Variants in HESX1 observed in about 807,000 individuals in gnomAD.
The protein encoded by HESX1 is HESX homeobox 1.
A neutral mutation model predicts 22.5 loss-of-function variants in HESX1; 11 were observed. The observed-to-expected ratio is 0.49, with a 90% CI of 0.31 to 0.81. HESX1 has a LOEUF of 0.81. Among genes scored for constraint, HESX1 ranks in the 30% least tolerant of loss-of-function variants. The pLI, the probability that HESX1 is intolerant of heterozygous loss-of-function variation, is 0.05. For missense variants in HESX1, 201 were observed against 212.6 expected (o/e 0.95, Z 0.34); for synonymous variants, 74 against 76.5 (o/e 0.97, Z 0.17).
chr3:57,201,361 A>G (rs1434229276), upstream of HESX1, among the ~76,000 whole-genome samples: 1 of 152,086 alleles, frequency 6.6e-6, no homozygotes, highest in Non-Finnish European at 1.5e-5. Flanking sequence ...TAGTGCTGAG[A>G]TGTAGATTGT....
intron 1 of HESX1, among the ~76,000 whole-genome samples, chr3:57,220,668 T>C (rs2060610666): frequency 6.6e-6 from 1 of 152,162 alleles, no homozygotes; most frequent in African/African-American, 2.4e-5. Flanking sequence ...TGACCTCAAA[T>C]GATCCACCCA....
chr3:57,226,518 A>C (rs1377220506), exon 1 of HESX1: 1 of 152,234 alleles, frequency 6.6e-6, no homozygotes, highest in East Asian at 1.9e-4. Context: ...TGTAACACTA[A>C]AAATAATTCC....
upstream of HESX1, among the ~76,000 whole-genome samples, chr3:57,202,825 G>GA (rs1287478199): frequency 6.6e-6 from 1 of 152,226 alleles, no homozygotes; most frequent in Non-Finnish European, 1.5e-5. Context: ...GTCGATGGTG[G>GA]AGGAGGGCCT....
chr3:57,222,707 C>T (rs568484974), intron 1 of HESX1, among the ~76,000 whole-genome samples: 1 of 152,276 alleles, frequency 6.6e-6, no homozygotes, highest in South Asian at 2.1e-4. Context: ...AACAAAAACT[C>T]CTAAAAACCT....
At chr3:57,224,336 C>T (rs1285867428) in intron 1 of HESX1, among the ~76,000 whole-genome samples, 1 of 152,052 alleles carries the variant, frequency 6.6e-6, no homozygotes, top group Non-Finnish European at 1.5e-5. Context: ...GATGGTGTCT[C>T]TGTGTTGCCC....
Position 57,198,903 on chromosome 3 carries a change from A to T in HESX1, c.207T>A (p.Ile69=), listed in dbSNP as rs774391758. ...CLHVPNPPSG[I]SFPSVVDHPM... Reference sequence around the variant, plus strand: ...GGTGATCCACCACGCTAGGGAATGAAATCCCACTGGGAGGATTTGGGACAT... The same window carrying T: ...GGTGATCCACCACGCTAGGGAATGATATCCCACTGGGAGGATTTGGGACAT... Residue 69 remains isoleucine, a synonymous_variant, in exon 2 of 4, where the codon ATT becomes ATA. Coordinates refer to ENST00000295934, the MANE Select transcript of HESX1 (RefSeq NM_003865.3). The T allele has an allele frequency of 6.2e-7, 1 of 1,614,148 alleles. No individual in the cohort carries two copies. The highest frequency in any genetic ancestry group is 8.5e-7 in the Non-Finnish European group (1 of 1,180,014).
intron 1 of HESX1, among the ~76,000 whole-genome samples, chr3:57,213,382 T>TC (rs1486219803): frequency 6.6e-6 from 1 of 152,186 alleles, no homozygotes; most frequent in African/African-American, 2.4e-5. Context: ...CCCTTGTTCT[T>TC]ATGTCCTGCC....
upstream of HESX1, among the ~76,000 whole-genome samples, chr3:57,203,361 G>A (rs915717281): frequency 1.2e-4 from 18 of 152,192 alleles, no homozygotes; most frequent in African/African-American, 4.1e-4. Context: ...GGAGAGAAGT[G>A]CAATTCTTTA....
In HESX1 at chr3:57,198,759, T is replaced by C. The variant is rs373414685; in HGVS notation, c.351A>G (p.Gln117=). 1.9e-6 allele frequency: 3 copies of C among 1,613,866 alleles called. No homozygotes were observed. Among genetic ancestry groups the C allele is most frequent in the Non-Finnish European group, 2.5e-6 (3 of 1,179,976 alleles). ...GGGTGAAAAAACTTCCCACCTGGTTTTGAGTAAAAGCAGTTCTTGGTCTTC... is the reference window on the plus strand; with the variant it reads ...GGGTGAAAAAACTTCCCACCTGGTTCTGAGTAAAAGCAGTTCTTGGTCTTC... ...RGRRPRTAFT[Q]NQIEVLENVF... is the part of the protein sequence containing the mutation. The change falls in exon 2 of 4, where the codon CAA becomes CAG. Residue 117 remains glutamine (Q), a synonymous_variant. Coordinates refer to ENST00000295934, the MANE Select transcript of HESX1 (RefSeq NM_003865.3).
At chr3:57,198,687 CT>C in intron 2 of HESX1, 65 bp downstream of exon 2, 1 of 1,438,914 alleles carries the variant, frequency 6.9e-7, no homozygotes, top group South Asian at 1.1e-5. Flanking sequence ...AGTGAGTGGG[CT>C]TTTGCTCAAC....
chr3:57,198,141 C>A lies in HESX1; in HGVS notation c.*56G>T. The stretch of plus-strand genomic sequence containing the variant: ...ATCACATTTTAACACTTAATATTTC[C>A]ACTGATTCTTCATGCTCTGCAATTA... On this transcript the variant is annotated 3_prime_UTR_variant, in exon 4 of 4. Transcript: ENST00000295934. 1 of 1,066,830 alleles carries A rather than the reference C, an allele frequency of 9.4e-7. No homozygotes were observed. Among genetic ancestry groups the A allele is most frequent in the South Asian group, 1.3e-5 (1 of 77,874 alleles). The allele number at this position is 1,066,830 out of a possible 1,614,324, so 66.1% of individuals were successfully genotyped here.
In HESX1 at chr3:57,197,987, T is replaced by C; in HGVS notation, c.*210A>G. 5.1e-6 allele frequency: 2 copies of C among 392,816 alleles called. No homozygotes were observed. Among genetic ancestry groups the C allele is most frequent in the Non-Finnish European group, 9.0e-6 (2 of 221,108 alleles). 24.3% of individuals were successfully genotyped at this position (392,816 alleles called of 1,614,324 possible). ...AAATAGCAATCTTTTCTGAAAATGTTTATTAAAATATATATAAAAGGTCTT... is the reference window on the plus strand; with the variant it reads ...AAATAGCAATCTTTTCTGAAAATGTCTATTAAAATATATATAAAAGGTCTT... On this transcript the variant is annotated 3_prime_UTR_variant, in exon 4 of 4. Coordinates refer to ENST00000295934, the MANE Select transcript of HESX1 (RefSeq NM_003865.3).
intron 1 of HESX1, among the ~76,000 whole-genome samples, chr3:57,223,045 C>A (rs576134294): frequency 6.6e-6 from 1 of 152,058 alleles, no homozygotes; most frequent in Non-Finnish European, 1.5e-5. Context: ...ATGCTTATTG[C>A]GCTAGGAGCT....
intron 1 of HESX1, among the ~76,000 whole-genome samples, chr3:57,215,274 A>G (rs755812132): frequency 6.6e-6 from 1 of 152,194 alleles, no homozygotes; most frequent in Non-Finnish European, 1.5e-5. Flanking sequence ...GGCAGCTATC[A>G]TGGTTACCAA....
At chr3:57,219,745 T>C (rs925364332) in intron 1 of HESX1, among the ~76,000 whole-genome samples, 27 of 152,216 alleles carry the variant, frequency 1.8e-4, no homozygotes, top group African/African-American at 5.5e-4. Flanking sequence ...ATTAGACCTT[T>C]GTCAGATGCA....
At chr3:57,222,273 T>C (rs1222799754) in intron 1 of HESX1, among the ~76,000 whole-genome samples, 1 of 152,110 alleles carries the variant, frequency 6.6e-6, no homozygotes, top group Non-Finnish European at 1.5e-5. Flanking sequence ...CCTAAAAGCA[T>C]TTTTTTGAGA....
At chr3:57,221,799 G>T (rs2060617353) in intron 1 of HESX1, among the ~76,000 whole-genome samples, 1 of 151,718 alleles carries the variant, frequency 6.6e-6, no homozygotes, top group Non-Finnish European at 1.5e-5. Context: ...TAGAGATGGG[G>T]TTTCGCCATA....
At chr3:57,202,210 C>A (rs1175265728), upstream of HESX1, among the ~76,000 whole-genome samples, 1 of 152,126 alleles carries the variant, frequency 6.6e-6, no homozygotes, top group African/African-American at 2.4e-5. Context: ...TCAGCCACCA[C>A]GCCCGGCTGG....
chr3:57,201,493 C>A (rs957970917), upstream of HESX1, among the ~76,000 whole-genome samples: 4 of 151,892 alleles, frequency 2.6e-5, no homozygotes, highest in African/African-American at 9.7e-5. Context: ...TGGTTGAGCA[C>A]CTTCTCAGAA....
Sources: gnomAD v4.1 joint callset for allele counts (sites outside exome capture counted in the v4.1 genomes callset) on GRCh38, gnomAD v4.1.1 for gene constraint, MANE v1.5 for transcripts, NCBI Gene and HGNC (gene_info 2026-07-23, HGNC 2026-07-21) for gene names.